KANSL1L: variants seen among roughly 807,000 people sequenced by gnomAD.
The protein encoded by KANSL1L is KAT8 regulatory NSL complex subunit 1 like.
A neutral mutation model predicts 108.6 loss-of-function variants in KANSL1L; 25 were observed. That is an observed-to-expected ratio of 0.23 (90% CI 0.17 to 0.32). The LOEUF is 0.32. Ranked by LOEUF, KANSL1L falls within the 10% of genes least tolerant of loss-of-function variation. The probability of loss-of-function intolerance (pLI) is 1.00; values close to 1 mark genes in which losing one functional copy is unlikely to be tolerated. For missense variants in KANSL1L, 1,137 were observed against 1,125.7 expected, an observed-to-expected ratio of 1.01 and a Z score of -0.14; for synonymous variants, 405 against 395.1, an observed-to-expected ratio of 1.03 and a Z score of -0.30.
At chr2:210,097,860 T>C (rs2094752663) in intron 5 of KANSL1L, 1 of 265,448 alleles carries the variant, frequency 3.8e-6, no homozygotes, top group Non-Finnish European at 7.1e-6. Flanking sequence ...AGAAACATTA[T>C]GAAACTTCCC....
chr2:210,124,319 T>G (rs925468579), intron 3 of KANSL1L, among the ~76,000 whole-genome samples: 2 of 152,124 alleles, frequency 1.3e-5, no homozygotes, highest in African/African-American at 4.8e-5. Flanking sequence ...CCAACCACAA[T>G]GAAATGAAGT....
At position 210,119,517 on chromosome 2, in the gene KANSL1L, C is replaced by T. The variant is rs141038091; in HGVS notation, c.1230+9514G>A. Reference sequence around the variant, plus strand: ...AATCAAGTAGGATGCATTCCAGGGGCGCAAAGATGGTTCAACACACGCAAA... The same window carrying T: ...AATCAAGTAGGATGCATTCCAGGGGTGCAAAGATGGTTCAACACACGCAAA... On this transcript the variant is annotated intron_variant, in intron 3 of 14. Transcript: ENST00000281772. 3.9e-3 allele frequency among the ~76,000 whole-genome samples: 586 copies of T among 152,136 alleles called. 6 individuals are homozygous for T. Among genetic ancestry groups the T allele is most frequent in the African/African-American group, 0.013 (537 of 41,504 alleles).
chr2:210,166,969 TAC>T (rs1329997650), intron 1 of KANSL1L, among the ~76,000 whole-genome samples: 1 of 151,910 alleles, frequency 6.6e-6, no homozygotes, highest in Non-Finnish European at 1.5e-5. Context: ...ACTAGAGGAG[TAC>T]AGTCGTGCCA....
At chr2:210,093,739 A>C (rs527764041) in intron 5 of KANSL1L, among the ~76,000 whole-genome samples, 2 of 152,324 alleles carry the variant, frequency 1.3e-5, no homozygotes, top group African/African-American at 4.8e-5. Context: ...TAGAATACCC[A>C]AAACAATTAA....
intron 3 of KANSL1L, among the ~76,000 whole-genome samples, chr2:210,105,613 TGA>T (rs2094839908): frequency 6.6e-6 from 1 of 151,734 alleles, no homozygotes. Context: ...GTGTTATATA[TGA>T]GTTTTAGTTT....
chr2:210,045,851 C>G (rs898650682), intron 6 of KANSL1L, among the ~76,000 whole-genome samples: 2 of 152,048 alleles, frequency 1.3e-5, no homozygotes, highest in South Asian at 2.1e-4. Flanking sequence ...CTTTTTTGCT[C>G]TGGCTGCTTT....
At chr2:210,109,095 T>C (rs2094879708) in intron 3 of KANSL1L, among the ~76,000 whole-genome samples, 1 of 152,182 alleles carries the variant, frequency 6.6e-6, no homozygotes, top group Admixed American at 6.5e-5. Flanking sequence ...GATGTCACTT[T>C]CTTCTCTTAA....
At chr2:210,089,555 T>A (rs1217752430) in intron 5 of KANSL1L, among the ~76,000 whole-genome samples, 2 of 152,166 alleles carry the variant, frequency 1.3e-5, no homozygotes, top group East Asian at 3.9e-4. Flanking sequence ...TGTAAAGAGA[T>A]TAACACACCT....
intron 8 of KANSL1L, among the ~76,000 whole-genome samples, chr2:210,036,447 G>T (rs982517625): frequency 2.0e-5 from 3 of 152,092 alleles, no homozygotes; most frequent in African/African-American, 7.2e-5. Flanking sequence ...CTCCCAAAGT[G>T]CTGGGATTAC....
intron 5 of KANSL1L, among the ~76,000 whole-genome samples, chr2:210,090,941 A>G (rs1467852274): frequency 6.6e-6 from 1 of 152,204 alleles, no homozygotes; most frequent in Non-Finnish European, 1.5e-5. Flanking sequence ...TACACGTTTC[A>G]GCTCAGTGTG....
chr2:210,153,815 G>A lies in KANSL1L; in HGVS notation c.768C>T (p.His256=), dbSNP rs1317040030. ...TAGACAATTTCATCTGCTGACCATAGTGCTTAACAACATGCTTTGCCAGGA... is the reference window on the plus strand; with the variant it reads ...TAGACAATTTCATCTGCTGACCATAATGCTTAACAACATGCTTTGCCAGGA... ...QMLLAKHVVK[H]YGQQMKLSMK... is the part of the protein sequence containing the mutation. Residue 256 remains histidine (H), a synonymous_variant, in exon 2 of 15, where the codon CAC becomes CAT. Coordinates refer to ENST00000281772, the MANE Select transcript of KANSL1L (RefSeq NM_152519.4). 7.4e-6 allele frequency: 12 copies of A among 1,613,404 alleles called. No homozygotes were observed. The highest frequency in any genetic ancestry group is 1.7e-5 in the Admixed American group (1 of 59,932).
intron 3 of KANSL1L, among the ~76,000 whole-genome samples, chr2:210,107,426 A>G (rs1476905394): frequency 6.6e-6 from 1 of 151,582 alleles, no homozygotes; most frequent in African/African-American, 2.4e-5. Flanking sequence ...CAGGGAGAAG[A>G]GGAAATATAG....
intron 1 of KANSL1L, chr2:210,155,091 C>G (rs1168770348): frequency 6.6e-6 from 1 of 151,978 alleles, no homozygotes; most frequent in Non-Finnish European, 1.5e-5. Flanking sequence ...ATAACAAGAA[C>G]TAAAATATAA....
chr2:210,075,805 CA>C (rs1178234994), intron 5 of KANSL1L, 49 bp from the exon 6 acceptor site: 4 of 1,336,952 alleles, frequency 3.0e-6, no homozygotes, highest in African/African-American at 1.5e-5. Context: ...TAAAACAAAA[CA>C]AAACAAACAA....
intron 1 of KANSL1L, among the ~76,000 whole-genome samples, chr2:210,168,711 G>T (rs780844060): frequency 1.4e-4 from 21 of 152,070 alleles, no homozygotes; most frequent in Non-Finnish European, 2.6e-4. Flanking sequence ...AGACAACTGT[G>T]ATCAGATCAC....
At chr2:210,170,758 T>A (rs977493347) in intron 1 of KANSL1L, 8 of 152,234 alleles carry the variant, frequency 5.3e-5, no homozygotes, top group Non-Finnish European at 8.8e-5. Context: ...GCTCAGCCGA[T>A]GAGGCAAGAG....
At chr2:210,025,882 G>T (rs749303021) in intron 12 of KANSL1L, among the ~76,000 whole-genome samples, 2 of 152,102 alleles carry the variant, frequency 1.3e-5, no homozygotes, top group African/African-American at 2.4e-5. Context: ...GAAGACTTCG[G>T]TAGGCTACAG....
intron 6 of KANSL1L, among the ~76,000 whole-genome samples, chr2:210,074,809 C>A (rs889476593): frequency 6.6e-6 from 1 of 151,958 alleles, no homozygotes; most frequent in African/African-American, 2.4e-5. Flanking sequence ...TAATCAGAAA[C>A]AATATTAAAT....
At chr2:210,035,591 G>T (rs2094090923) in intron 8 of KANSL1L, among the ~76,000 whole-genome samples, 1 of 152,264 alleles carries the variant, frequency 6.6e-6, no homozygotes, top group South Asian at 2.1e-4. Context: ...TGATTCTTGT[G>T]CCTCAGCCTC....
Sources: allele counts gnomAD v4.1 joint callset (sites outside exome capture counted in the v4.1 genomes callset), GRCh38; gene constraint gnomAD v4.1.1; transcripts MANE v1.5; gene names NCBI Gene and HGNC (gene_info 2026-07-23, HGNC 2026-07-21).